PHGR1: variants seen among roughly 807,000 people sequenced by gnomAD.
The protein encoded by PHGR1 is proline, histidine and glycine rich 1, also known as proline, histidine and glycine-rich protein 1.
Under a neutral mutation model 4.9 loss-of-function variants are expected in PHGR1, and 3 were observed. The observed-to-expected ratio is 0.61, with a 90% CI of 0.28 to 1.58. The LOEUF (loss-of-function observed/expected upper bound fraction) is 1.58. Ranked by LOEUF, PHGR1 falls within the 40% of genes most tolerant of loss-of-function variation. The pLI, the probability that PHGR1 is intolerant of heterozygous loss-of-function variation, is 0.11. For missense variants in PHGR1, 81 were observed against 118.7 expected (o/e 0.68, Z 1.48); for synonymous variants, 32 against 46.1 (o/e 0.69, Z 1.24).
At chr15:40,355,195 C>T (rs1318359615) in intron 3 of PHGR1, among the ~76,000 whole-genome samples, 1 of 152,166 alleles carries the variant, frequency 6.6e-6, no homozygotes, top group East Asian at 1.9e-4. Context: ...AAAAAACTCC[C>T]CTGGCCTTGG....
chr15:40,354,242 G>A (rs1889253246), intron 2 of PHGR1, 103 bp from the exon 3 acceptor site: 1 of 1,316,754 alleles, frequency 7.6e-7, no homozygotes, highest in South Asian at 1.3e-5. Context: ...TGGGTTAGGG[G>A]TGTGGGCACA....
At chr15:40,353,023 C>T (rs1889228729) in intron 1 of PHGR1, among the ~76,000 whole-genome samples, 1 of 152,056 alleles carries the variant, frequency 6.6e-6, no homozygotes, top group African/African-American at 2.4e-5. Context: ...TCCATTTAAC[C>T]CCCATGCCTG....
chr15:40,355,919 G>A (rs536340266), intron 3 of PHGR1, 154 bp from the exon 4 acceptor site: 44 of 790,586 alleles, frequency 5.6e-5, no homozygotes, highest in South Asian at 4.0e-4. Context: ...CAAAAGGCAC[G>A]GGACATGCTA....
intron 1 of PHGR1, 43 bp from the exon 2 acceptor site, chr15:40,353,189 C>T: frequency 1.3e-6 from 2 of 1,510,632 alleles, no homozygotes; most frequent in African/African-American, 1.4e-5. Context: ...GGAAAGACTG[C>T]AATTTAGATT....
chr15:40,354,819 CTCA>C (rs1297509927), intron 3 of PHGR1, among the ~76,000 whole-genome samples: 1 of 152,132 alleles, frequency 6.6e-6, no homozygotes, highest in Admixed American at 6.5e-5. Context: ...CACCAGCAGA[CTCA>C]GTTCCTAGGC....
chr15:40,354,265 C>A, intron 2 of PHGR1, 80 bp from the exon 3 acceptor site: 1 of 1,479,678 alleles, frequency 6.8e-7, no homozygotes, highest in Non-Finnish European at 9.1e-7. Context: ...ATCCTTAGTG[C>A]CAGGGAGAAG....
At chr15:40,354,317 TTC>T (rs1889254694) in intron 2 of PHGR1, 26 bp from the exon 3 acceptor site, 1 of 1,460,644 alleles carries the variant, frequency 6.8e-7, no homozygotes. Context: ...CCAAAGCTGC[TTC>T]TTTTTTTTCC....
chr15:40,353,445 A>T (rs1889240473), intron 2 of PHGR1, 178 bp downstream of exon 2: 2 of 748,040 alleles, frequency 2.7e-6, no homozygotes, highest in Admixed American at 2.7e-5. Flanking sequence ...ATACTGTAGA[A>T]CATGTTACAG....
Position 40,356,309 on chromosome 15 carries a change from T to C in PHGR1, c.*6T>C, listed in dbSNP as rs1039209234. ...CCCCTGGTCCACATCACTGAGGAAGTAGAAGAAAACAGGACACAAGATGGC... is the reference window on the plus strand; with the variant it reads ...CCCCTGGTCCACATCACTGAGGAAGCAGAAGAAAACAGGACACAAGATGGC... On this transcript the variant is annotated 3_prime_UTR_variant, in exon 4 of 4. Coordinates refer to ENST00000448599, the MANE Select transcript of PHGR1 (RefSeq NM_001145643.2). 1 of 1,549,030 alleles carries C rather than the reference T, an allele frequency of 6.5e-7. No individual in the cohort carries two copies. The highest frequency in any genetic ancestry group is 8.7e-7 in the Non-Finnish European group (1 of 1,146,460).
Position 40,353,214 on chromosome 15 carries a change from G to C in PHGR1, c.-26-18G>C, listed in dbSNP as rs1175714664. On this transcript the variant is annotated intron_variant, in intron 1 of 3. Transcript: ENST00000448599. The stretch of plus-strand genomic sequence containing the variant: ...CAATTTAGATTACAGTAAATTAAAA[G>C]TTACCTTTTGAACACAGGTATTCCC... 35 of 1,547,018 alleles carry C rather than the reference G, an allele frequency of 2.3e-5. No individual in the cohort carries two copies. The Admixed American group carries it at 6.7e-4, about 30-fold the overall frequency.
At position 40,356,297 on chromosome 15, in the gene PHGR1, T is replaced by TCACTGAGGAAGTAGAAGAAAA. The variant is rs1291324641; in HGVS notation, c.246_*17dup. ...CAGGTCACCCACCCCCTGGTCCACA[T>TCACTGAGGAAGTAGAAGAAAA]CACTGAGGAAGTAGAAGAAAACAGG... On this transcript the variant is annotated stop_gained and inframe_insertion, in exon 4 of 4. Coordinates refer to ENST00000448599, the MANE Select transcript of PHGR1 (RefSeq NM_001145643.2). LOFTEE classifies it high-confidence loss of function. 13 of 1,547,442 alleles carry TCACTGAGGAAGTAGAAGAAAA rather than the reference T, an allele frequency of 8.4e-6. No homozygotes were observed. Among genetic ancestry groups the TCACTGAGGAAGTAGAAGAAAA allele is most frequent in the Non-Finnish European group, 1.1e-5 (13 of 1,145,898 alleles).
chr15:40,354,280 G>GTT, intron 2 of PHGR1, 65 bp from the exon 3 acceptor site: 3 of 1,408,928 alleles, frequency 2.1e-6, no homozygotes, highest in Admixed American at 2.1e-5. Context: ...GAGAAGACAG[G>GTT]TTTTTTTTTA....
intron 1 of PHGR1, among the ~76,000 whole-genome samples, chr15:40,352,342 C>T (rs761789177): frequency 2.2e-4 from 34 of 152,134 alleles, no homozygotes; most frequent in Non-Finnish European, 4.1e-4. Flanking sequence ...ACCAGAAAGC[C>T]CTGATGTCAA....
At chr15:40,355,075 C>G (rs920525158) in intron 3 of PHGR1, among the ~76,000 whole-genome samples, 1 of 152,130 alleles carries the variant, frequency 6.6e-6, no homozygotes, top group Admixed American at 6.5e-5. Flanking sequence ...CATAGCCCCG[C>G]CCTGCTCCAC....
At chr15:40,353,514 C>T in intron 2 of PHGR1, 1 of 513,236 alleles carries the variant, frequency 1.9e-6, no homozygotes, top group Non-Finnish European at 3.5e-6. Flanking sequence ...GGTGCTTCTC[C>T]CACCGCACAC....
chr15:40,354,364 C>T lies in PHGR1; in HGVS notation c.18+12C>T, dbSNP rs1333513624. The T allele has an allele frequency of 6.5e-7, 1 of 1,535,172 alleles. No individual in the cohort carries two copies. Among genetic ancestry groups the T allele is most frequent in the Non-Finnish European group, 8.7e-7 (1 of 1,145,188 alleles). On this transcript the variant is annotated intron_variant, in intron 3 of 3. Coordinates refer to ENST00000448599, the MANE Select transcript of PHGR1 (RefSeq NM_001145643.2). ...CCACAGGTCCGAAGGTAGGAAAGTT[C>T]CCCCAATGGTCTCCCCTTTTTCCTC... is the stretch of plus-strand genomic sequence containing the variant.
rs1465467765 is a variant in PHGR1 at position 40,356,136 on chromosome 15, G to T, written c.82G>T (p.Gly28Cys). ...TCACTGCGGGCCACCCCCTGGCCAT[G>T]GCCCAGGGCCCTGCGGGCCACCCCC... ...PGHCGPPPGH[G>C]PGPCGPPPHH... Residue 28 changes from glycine (G) to cysteine (C), a missense_variant, in exon 4 of 4, where the codon GGC becomes TGC. Gly to Cys is a radical substitution (Grantham distance 159). Transcript: ENST00000448599. The T allele has an allele frequency of 1.3e-6, 2 of 1,545,326 alleles. No homozygotes were observed. Among genetic ancestry groups the T allele is most frequent in the African/African-American group, 2.8e-5 (2 of 72,560 alleles).
At chr15:40,355,819 A>C (rs1889284728) in intron 3 of PHGR1, among the ~76,000 whole-genome samples, 1 of 152,224 alleles carries the variant, frequency 6.6e-6, no homozygotes, top group Non-Finnish European at 1.5e-5. Flanking sequence ...AGGTACAGGG[A>C]GCGGGAGTCA....
intron 1 of PHGR1, among the ~76,000 whole-genome samples, chr15:40,351,759 CAG>C (rs1314534127): frequency 2.0e-5 from 3 of 151,794 alleles, no homozygotes; most frequent in Admixed American, 6.6e-5. Context: ...TTTTTTGAGA[CAG>C]AGTCTTACTC....
Sources: gnomAD v4.1 joint callset for allele counts (sites outside exome capture counted in the v4.1 genomes callset) on GRCh38, gnomAD v4.1.1 for gene constraint, MANE v1.5 for transcripts, NCBI Gene and HGNC (gene_info 2026-07-23, HGNC 2026-07-21) for gene names.